DAB2IP: variants seen among roughly 807,000 people sequenced by gnomAD.
The protein encoded by DAB2IP is DAB2 interacting protein, also known as disabled homolog 2-interacting protein.
In DAB2IP, 28 loss-of-function variants were observed where a neutral mutation model predicts 107.2. The observed-to-expected ratio is 0.26, with a 90% CI of 0.19 to 0.36. The LOEUF is 0.36. DAB2IP is among the 10% of genes least tolerant of loss of function. The pLI is 1.00. For missense variants in DAB2IP, 1,400 were observed against 1,644.7 expected (o/e 0.85, Z 2.57); for synonymous variants, 755 against 706.4 (o/e 1.07, Z -1.09).
chr9:121,596,553 T>C (rs1830535023), intron 1 of DAB2IP, among the ~76,000 whole-genome samples: 1 of 152,124 alleles, frequency 6.6e-6, no homozygotes, highest in Non-Finnish European at 1.5e-5. Context: ...TTATAGAAAT[T>C]TGATGTTCTG....
chr9:121,678,844 C>T (rs922263201), intron 2 of DAB2IP, 63 bp downstream of exon 2: 7 of 1,421,838 alleles, frequency 4.9e-6, no homozygotes, highest in East Asian at 2.8e-5. Context: ...GCCCGGGGTG[C>T]TGCTCTGTGA....
Position 121,736,372 on chromosome 9 carries a change from T to C in DAB2IP, c.363-20641T>C, listed in dbSNP as rs181686535. Reference sequence around the variant, plus strand: ...ACTCGCACGAAGGTGGGGAAGGAGTTGCAAGGCAGAGACCCCCGAACCCCT... The same window carrying C: ...ACTCGCACGAAGGTGGGGAAGGAGTCGCAAGGCAGAGACCCCCGAACCCCT... On this transcript the variant is annotated intron_variant, in intron 3 of 15. Transcript: ENST00000408936. This position sits in a 1 kb window ranked among gnomAD's most constrained non-coding sequence, Gnocchi z 4.6. Among the ~76,000 whole-genome samples, 907 of 152,032 alleles carry C rather than the reference T, an allele frequency of 6.0e-3. 11 individuals carry two copies. The highest frequency in any genetic ancestry group is 0.021 in the African/African-American group (863 of 41,388).
intron 12 of DAB2IP, 71 bp from the exon 13 acceptor site, chr9:121,774,189 C>A: frequency 6.9e-7 from 1 of 1,450,730 alleles, no homozygotes; most frequent in Non-Finnish European, 9.1e-7. Flanking sequence ...TGTGGCTCAC[C>A]TGGGCCACTC....
At chr9:121,629,544 C>A (rs956163939) in intron 1 of DAB2IP, among the ~76,000 whole-genome samples, 1 of 152,208 alleles carries the variant, frequency 6.6e-6, no homozygotes, top group Non-Finnish European at 1.5e-5. Context: ...CAGTCCTCCT[C>A]ATCCATTTAT....
chr9:121,706,955 C>G (rs1830088227), intron 3 of DAB2IP, among the ~76,000 whole-genome samples: 1 of 152,190 alleles, frequency 6.6e-6, no homozygotes, highest in Non-Finnish European at 1.5e-5. Context: ...TTCCTGGCAC[C>G]CTGCCTGAGA....
In DAB2IP at chr9:121,619,208, G is replaced by A. The variant is rs138119867; in HGVS notation, c.40+51980G>A. 5.7e-4 allele frequency among the ~76,000 whole-genome samples: 87 copies of A among 152,120 alleles called. No individual in the cohort carries two copies. The East Asian group carries it at 0.014, about 24-fold the overall frequency. ...GTTGCCCAGGCTGGAATGCAGTGGC[G>A]TGATCTCAGCTCACTGCAACCTCTG... On this transcript the variant is annotated intron_variant, in intron 1 of 16. Coordinates refer to the DAB2IP transcript ENST00000259371.
At chr9:121,663,619 G>T (rs1833296732) in intron 1 of DAB2IP, among the ~76,000 whole-genome samples, 1 of 152,188 alleles carries the variant, frequency 6.6e-6, no homozygotes, top group Admixed American at 6.5e-5. Flanking sequence ...CTCGATCCCA[G>T]TTCCCTTTAG....
chr9:121,766,825 C>A, intron 9 of DAB2IP, 95 bp downstream of exon 9: 2 of 1,257,240 alleles, frequency 1.6e-6, no homozygotes, highest in Admixed American at 1.9e-5. Context: ...TGAGCAGAGA[C>A]CATAAACAGG....
intron 14 of DAB2IP, among the ~76,000 whole-genome samples, chr9:121,778,154 C>G (rs1835336840): frequency 6.6e-6 from 1 of 152,188 alleles, no homozygotes; most frequent in African/African-American, 2.4e-5. Flanking sequence ...TTATAGTGCA[C>G]CGTTGCTGTG....
At chr9:121,761,822 C>T (rs1402180866) in intron 6 of DAB2IP, among the ~76,000 whole-genome samples, 1 of 152,186 alleles carries the variant, frequency 6.6e-6, no homozygotes, top group East Asian at 1.9e-4. Context: ...GAATCAAGGA[C>T]CCATGGGCAC....
chr9:121,638,474 C>T (rs1339211679), intron 1 of DAB2IP, among the ~76,000 whole-genome samples: 5 of 152,038 alleles, frequency 3.3e-5, no homozygotes, highest in Non-Finnish European at 7.4e-5. Flanking sequence ...AGGAAAGGCG[C>T]AGGGAGCTCA....
chr9:121,783,658 G>T, exon 16 of DAB2IP: 2 of 1,375,694 alleles, frequency 1.5e-6, no homozygotes, highest in Non-Finnish European at 2.1e-6. Context: ...CCCTCTCCAA[G>T]ACAGCAGCAG....
chr9:121,613,213 A>C (rs1831154852), intron 1 of DAB2IP, among the ~76,000 whole-genome samples: 1 of 152,206 alleles, frequency 6.6e-6, no homozygotes, highest in South Asian at 2.1e-4. Context: ...CTTAGCACAG[A>C]GCTGGCATGA....
intron 1 of DAB2IP, among the ~76,000 whole-genome samples, chr9:121,636,013 C>A (rs939489422): frequency 6.6e-6 from 1 of 152,198 alleles, no homozygotes; most frequent in South Asian, 2.1e-4. Flanking sequence ...AAGTGATTCT[C>A]GTGTCTCAGC....
chr9:121,734,954 TC>T (rs1159362354), intron 3 of DAB2IP, among the ~76,000 whole-genome samples: 4 of 152,160 alleles, frequency 2.6e-5, no homozygotes, highest in Non-Finnish European at 5.9e-5. Flanking sequence ...GAGGTGGTGC[TC>T]AGAGGATGCA....
chr9:121,568,494 C>G (rs1287714590), intron 1 of DAB2IP, among the ~76,000 whole-genome samples: 1 of 152,072 alleles, frequency 6.6e-6, no homozygotes, highest in Non-Finnish European at 1.5e-5. Context: ...GAGGAGAATA[C>G]AAAGGGAGGA....
chr9:121,567,272 C>T, intron 1 of DAB2IP: 1 of 1,613,420 alleles, frequency 6.2e-7, no homozygotes, highest in Non-Finnish European at 8.5e-7. Flanking sequence ...GTTTCAGCCT[C>T]TCTGCTCAAC....
At chr9:121,733,616 A>C (rs1831676044) in intron 3 of DAB2IP, among the ~76,000 whole-genome samples, 1 of 152,210 alleles carries the variant, frequency 6.6e-6, no homozygotes, top group African/African-American at 2.4e-5. Context: ...AAGGCCTGGC[A>C]GGGCAGGCAG....
At chr9:121,692,453 A>G (rs772989037) in intron 2 of DAB2IP, among the ~76,000 whole-genome samples, 1 of 152,022 alleles carries the variant, frequency 6.6e-6, no homozygotes, top group East Asian at 1.9e-4. Context: ...ATATTTCTCT[A>G]TGAGAACATG....
Sources: gnomAD v4.1 joint callset for allele counts (sites outside exome capture counted in the v4.1 genomes callset) on GRCh38, gnomAD v4.1.1 for gene constraint, Gnocchi (gnomAD v3.1) non-coding constraint, MANE v1.5 for transcripts, NCBI Gene and HGNC (gene_info 2026-07-23, HGNC 2026-07-21) for gene names.